The following RANBP17 variants were observed in gnomAD, a reference collection of about 807,000 sequenced individuals.
RANBP17 encodes RAN binding protein 17.
In RANBP17, 158 loss-of-function variants were observed where a neutral mutation model predicts 141.2. The observed-to-expected ratio is 1.12, with a 90% CI of 0.98 to 1.28. The LOEUF is 1.28. Among genes scored for constraint, RANBP17 ranks in the 50% most tolerant of loss-of-function variants. The pLI is 0.00. For missense variants in RANBP17, 1,438 were observed against 1,290.7 expected (o/e 1.11, Z -1.75); for synonymous variants, 430 against 450.0 (o/e 0.96, Z 0.56).
intron 18 of RANBP17, among the ~76,000 whole-genome samples, chr5:171,189,372 G>C (rs76802839): frequency 2.3e-4 from 35 of 152,298 alleles, no homozygotes; most frequent in Admixed American, 2.0e-3. Context: ...TACCAGAGCT[G>C]CTTTCTGTTG....
At chr5:171,186,627 C>T (rs1489042463) in intron 18 of RANBP17, among the ~76,000 whole-genome samples, 8 of 136,640 alleles carry the variant, frequency 5.9e-5, no homozygotes, top group African/African-American at 1.9e-4. Context: ...AGCTCCGCCT[C>T]CCGGGTTCAC....
chr5:170,968,267 G>A lies in RANBP17; in HGVS notation c.1600G>A (p.Asp534Asn), dbSNP rs754221228. Residue 534 changes from aspartate to asparagine, a missense_variant, in exon 14 of 28, where the codon GAT becomes AAT. Transcript: ENST00000523189. ...AGTTTTTCAGCTTATATCTTTAATG[G>A]ATACCGGATTGCCTCGATGTTGTAA... ...CRVFQLISLM[D>N]TGLPRCCNEK... The A allele has an allele frequency of 1.3e-6, 2 of 1,591,688 alleles. No homozygotes were observed. Among genetic ancestry groups the A allele is most frequent in the Admixed American group, 3.7e-5 (2 of 53,806 alleles).
chr5:171,078,080 A>C (rs747226869), intron 14 of RANBP17, among the ~76,000 whole-genome samples: 3 of 152,216 alleles, frequency 2.0e-5, no homozygotes, highest in Non-Finnish European at 4.4e-5. Context: ...GAGCTAGCTA[A>C]GATGATTGGT....
chr5:171,209,052 A>G (rs1321507553), intron 20 of RANBP17, among the ~76,000 whole-genome samples: 5 of 152,202 alleles, frequency 3.3e-5, no homozygotes, highest in African/African-American at 1.2e-4. Flanking sequence ...ATAATCAAAT[A>G]TAGAAAGTGC....
At chr5:171,227,059 A>G (rs1763923391) in intron 22 of RANBP17, among the ~76,000 whole-genome samples, 1 of 152,158 alleles carries the variant, frequency 6.6e-6, no homozygotes, top group South Asian at 2.1e-4. Flanking sequence ...ACACAGCAAT[A>G]TTGAAATCAG....
At chr5:171,053,346 C>T (rs1272987556) in intron 14 of RANBP17, among the ~76,000 whole-genome samples, 1 of 152,132 alleles carries the variant, frequency 6.6e-6, no homozygotes, top group Non-Finnish European at 1.5e-5. Flanking sequence ...CTTTTCAACT[C>T]TTGCTCCCTT....
intron 26 of RANBP17, 38 bp from the exon 27 acceptor site, chr5:171,295,849 T>TG (rs768292587): frequency 1.9e-6 from 3 of 1,604,826 alleles, no homozygotes; most frequent in East Asian, 2.2e-5. Flanking sequence ...AGGCGGGACT[T>TG]GGAGTCGGAG....
At chr5:170,904,220 G>T in intron 5 of RANBP17, 1 of 275,032 alleles carries the variant, frequency 3.6e-6, no homozygotes, top group South Asian at 5.4e-5. Context: ...TTCATTATTA[G>T]CTTTAGCAAA....
In RANBP17 at chr5:170,916,582, C is replaced by T; in HGVS notation, c.952C>T (p.Gln318Ter). The T allele has an allele frequency of 6.5e-7, 1 of 1,545,456 alleles. No individual in the cohort carries two copies. Among genetic ancestry groups the T allele is most frequent in the Non-Finnish European group, 8.8e-7 (1 of 1,138,184 alleles). Reference sequence around the variant, plus strand: ...AGTAAAAAGGATACTTGAAAACCCTCAGGTATTTATGAAGTAATTTAATAC... The same window carrying T: ...AGTAAAAAGGATACTTGAAAACCCTTAGGTATTTATGAAGTAATTTAATAC... ...KGVKRILENPQGLSDPGNYHE... is the reference protein window; with the variant it reads ...KGVKRILENP Residue 318 changes from glutamine to a stop codon, truncating the protein, a stop_gained and splice_region_variant, in exon 9 of 28, where the codon CAG (glutamine) becomes TAG (stop). Transcript: ENST00000523189. LOFTEE classifies it high-confidence loss of function.
intron 14 of RANBP17, among the ~76,000 whole-genome samples, chr5:171,132,695 C>T (rs551060005): frequency 1.1e-4 from 16 of 151,860 alleles, no homozygotes; most frequent in African/African-American, 3.9e-4. Flanking sequence ...GCACTCTAGC[C>T]TGGGCAACAG....
intron 12 of RANBP17, among the ~76,000 whole-genome samples, chr5:170,951,621 T>C (rs1172203387): frequency 6.6e-6 from 1 of 152,076 alleles, no homozygotes; most frequent in Non-Finnish European, 1.5e-5. Flanking sequence ...TGACAGCTAG[T>C]ATGAAAATGT....
chr5:171,152,778 T>C (rs1251129279), intron 14 of RANBP17, among the ~76,000 whole-genome samples: 1 of 152,182 alleles, frequency 6.6e-6, no homozygotes. Flanking sequence ...TCATTTATTG[T>C]TTATTATACA....
chr5:170,975,553 A>C (rs1391672487), intron 14 of RANBP17, among the ~76,000 whole-genome samples: 1 of 152,198 alleles, frequency 6.6e-6, no homozygotes, highest in East Asian at 1.9e-4. Context: ...AAATGTATTC[A>C]GCCAAATATT....
intron 24 of RANBP17, chr5:171,252,142 A>G: frequency 6.3e-7 from 1 of 1,592,998 alleles, no homozygotes; most frequent in Non-Finnish European, 8.6e-7. Context: ...ACAAGATTAC[A>G]GAAAGAAGAT....
chr5:170,983,112 A>G, intron 14 of RANBP17: 1 of 522,624 alleles, frequency 1.9e-6, no homozygotes, highest in Non-Finnish European at 3.7e-6. Flanking sequence ...GTAAACCAAG[A>G]AAAGAGGAAG....
At chr5:170,897,476 A>G (rs1482018825) in intron 5 of RANBP17, 2 of 354,054 alleles carry the variant, frequency 5.6e-6, no homozygotes, top group Admixed American at 4.0e-5. Flanking sequence ...TTACATAGGT[A>G]TACATGTGCC....
intron 14 of RANBP17, among the ~76,000 whole-genome samples, chr5:171,157,307 A>C (rs1398403190): frequency 1.3e-5 from 2 of 152,310 alleles, no homozygotes; most frequent in South Asian, 4.1e-4. Context: ...AAAAATATGA[A>C]TGTACATCTG....
intron 14 of RANBP17, among the ~76,000 whole-genome samples, chr5:171,038,737 T>C (rs926571394): frequency 1.3e-5 from 2 of 152,104 alleles, no homozygotes; most frequent in African/African-American, 4.8e-5. Flanking sequence ...TCTATTGAGA[T>C]GATTTGTTTA....
At position 170,919,524 on chromosome 5, in the gene RANBP17, A is replaced by C. The variant is rs200406661; in HGVS notation, c.1185A>C (p.Ser395=). The C allele has an allele frequency of 2.2e-4, 352 of 1,612,392 alleles. 8 individuals carry two copies. In the East Asian group the frequency reaches 7.8e-3, roughly 36 times the overall value. The change falls in exon 11 of 28, where the codon TCA becomes TCC. Residue 395 remains serine, a synonymous_variant. Transcript: ENST00000523189. The part of the protein sequence containing the change: ...RMVASVPFVK[S]TEPHLLDTYA... Reference sequence around the variant, plus strand: ...TAGCATCTGTTCCTTTTGTGAAATCAACTGAACCCCACCTATTAGACACTT... The same window carrying C: ...TAGCATCTGTTCCTTTTGTGAAATCCACTGAACCCCACCTATTAGACACTT...
Sources: gnomAD v4.1 joint callset for allele counts (sites outside exome capture counted in the v4.1 genomes callset) on GRCh38, gnomAD v4.1.1 for gene constraint, MANE v1.5 for transcripts, NCBI Gene and HGNC (gene_info 2026-07-23, HGNC 2026-07-21) for gene names.